Variants in NEGR1 observed in about 807,000 individuals in gnomAD.
NEGR1 encodes the protein neuronal growth regulator 1.
NEGR1 carries 10 observed loss-of-function variants against 40.9 expected under a neutral mutation model. The observed-to-expected ratio is 0.24, with a 90% CI of 0.15 to 0.42. The LOEUF (loss-of-function observed/expected upper bound fraction) is 0.42. NEGR1 is among the 10% of genes least tolerant of loss of function. The pLI is 1.00. For missense variants in NEGR1, 352 were observed against 438.9 expected (o/e 0.80, Z 1.77); for synonymous variants, 185 against 166.8 (o/e 1.11, Z -0.84).
At chr1:71,824,408 C>T (rs903381439) in intron 2 of NEGR1, among the ~76,000 whole-genome samples, 1 of 150,874 alleles carries the variant, frequency 6.6e-6, no homozygotes, top group Non-Finnish European at 1.5e-5. Flanking sequence ...AATCAGAAGA[C>T]CTGGATTCTT....
At position 71,406,040 on chromosome 1, in the gene NEGR1, C is replaced by G. The variant is rs1646275946; in HGVS notation, c.*1406G>C. 1 of 151,796 alleles carries G rather than the reference C, an allele frequency of 6.6e-6. No individual in the cohort carries two copies. Among genetic ancestry groups the G allele is most frequent in the South Asian group, 2.1e-4 (1 of 4,826 alleles). 9.4% of individuals were successfully genotyped at this position (151,796 alleles called of 1,614,324 possible). On this transcript the variant is annotated 3_prime_UTR_variant, in exon 7 of 7. Coordinates refer to ENST00000357731, the MANE Select transcript of NEGR1 (RefSeq NM_173808.3). Reference sequence around the variant, plus strand: ...TCACAATAATTTGATAATTACTTATCTTAAGATATTCTCATCACTGGTGTT... The same window carrying G: ...TCACAATAATTTGATAATTACTTATGTTAAGATATTCTCATCACTGGTGTT...
intron 1 of NEGR1, among the ~76,000 whole-genome samples, chr1:72,206,838 T>C (rs1369404822): frequency 6.6e-6 from 1 of 151,964 alleles, no homozygotes; most frequent in Non-Finnish European, 1.5e-5. Flanking sequence ...AGGATATACC[T>C]AATTTTATTA....
intron 4 of NEGR1, among the ~76,000 whole-genome samples, chr1:71,633,574 A>T (rs750190992): frequency 2.6e-5 from 4 of 152,078 alleles, no homozygotes; most frequent in Admixed American, 2.0e-4. Context: ...CTAAACATGG[A>T]AACTGGGGAG....
chr1:71,750,432 C>T (rs1655533057), intron 3 of NEGR1, among the ~76,000 whole-genome samples: 1 of 152,174 alleles, frequency 6.6e-6, no homozygotes, highest in Admixed American at 6.5e-5. Flanking sequence ...TTTCATCCTG[C>T]TGGTAAAGAC....
chr1:71,844,864 A>ATCC (rs1659353854), intron 2 of NEGR1, among the ~76,000 whole-genome samples: 1 of 152,192 alleles, frequency 6.6e-6, no homozygotes, highest in South Asian at 2.1e-4. Flanking sequence ...CTTCCTAGAC[A>ATCC]TCCTGGTGGA....
At chr1:71,603,060 A>G (rs1649974187) in intron 5 of NEGR1, among the ~76,000 whole-genome samples, 1 of 152,258 alleles carries the variant, frequency 6.6e-6, no homozygotes, top group African/African-American at 2.4e-5. Context: ...ATAGCAAAAT[A>G]TAATAATGAG....
chr1:71,660,151 A>T (rs1652008397), intron 4 of NEGR1, among the ~76,000 whole-genome samples: 1 of 152,256 alleles, frequency 6.6e-6, no homozygotes, highest in Non-Finnish European at 1.5e-5. Context: ...GTCATAAAAA[A>T]AGAACGAGAT....
At chr1:71,876,181 A>C (rs1660424401) in intron 2 of NEGR1, among the ~76,000 whole-genome samples, 1 of 152,104 alleles carries the variant, frequency 6.6e-6, no homozygotes, top group Admixed American at 6.6e-5. Context: ...ATATTATAGA[A>C]TATTTTTCTT....
At chr1:72,143,895 T>TAA (rs1553144994) in intron 1 of NEGR1, among the ~76,000 whole-genome samples, 2 of 95,836 alleles carry the variant, frequency 2.1e-5, no homozygotes, top group Non-Finnish European at 4.1e-5. Flanking sequence ...TATATATATA[T>TAA]TATATATATG....
intron 1 of NEGR1, among the ~76,000 whole-genome samples, chr1:72,198,076 G>C (rs567739124): frequency 5.9e-5 from 9 of 152,152 alleles, no homozygotes; most frequent in Non-Finnish European, 1.2e-4. Flanking sequence ...TGGGAGAATA[G>C]GCGGAGGCTG....
At chr1:71,712,864 T>A (rs143953481) in intron 3 of NEGR1, among the ~76,000 whole-genome samples, 2 of 152,144 alleles carry the variant, frequency 1.3e-5, no homozygotes, top group African/African-American at 4.8e-5. Context: ...ATCTTAACTC[T>A]CTCTCTCTCT....
intron 6 of NEGR1, among the ~76,000 whole-genome samples, chr1:71,470,717 C>T (rs1320923901): frequency 6.6e-6 from 1 of 152,084 alleles, no homozygotes. Flanking sequence ...CTAACACAGG[C>T]AGTGTTCAAA....
intron 1 of NEGR1, among the ~76,000 whole-genome samples, chr1:72,086,866 T>C (rs1648244034): frequency 6.6e-6 from 1 of 152,190 alleles, no homozygotes; most frequent in Non-Finnish European, 1.5e-5. Context: ...TTTATTTCAA[T>C]GCATATGTCA....
intron 1 of NEGR1, among the ~76,000 whole-genome samples, chr1:71,962,887 A>C (rs557569825): frequency 6.6e-6 from 1 of 152,082 alleles, no homozygotes; most frequent in Non-Finnish European, 1.5e-5. Context: ...TCACCTTTGC[A>C]GCATTTTAAA....
At chr1:71,803,460 C>T (rs552182413) in intron 2 of NEGR1, among the ~76,000 whole-genome samples, 130 of 152,260 alleles carry the variant, frequency 8.5e-4, no homozygotes, top group African/African-American at 2.9e-3. Flanking sequence ...TGTCCAATGG[C>T]TAACAGTGAC....
At chr1:71,761,959 C>G (rs1378762346) in intron 3 of NEGR1, among the ~76,000 whole-genome samples, 2 of 151,894 alleles carry the variant, frequency 1.3e-5, no homozygotes, top group Non-Finnish European at 2.9e-5. Flanking sequence ...CAGTTAAAAA[C>G]TATAGTACAT....
chr1:71,683,576 C>G (rs957420400), intron 4 of NEGR1, among the ~76,000 whole-genome samples: 2 of 152,008 alleles, frequency 1.3e-5, no homozygotes, highest in African/African-American at 4.8e-5. Flanking sequence ...GGAAAAATCT[C>G]CCTCAGGTTT....
chr1:72,227,820 T>A (rs753859138), intron 1 of NEGR1, among the ~76,000 whole-genome samples: 3 of 152,084 alleles, frequency 2.0e-5, no homozygotes, highest in Non-Finnish European at 4.4e-5. Context: ...CAGAATGCGG[T>A]TCTGGAATTT....
chr1:71,561,079 T>C (rs991121374), intron 6 of NEGR1, among the ~76,000 whole-genome samples: 3 of 151,550 alleles, frequency 2.0e-5, no homozygotes, highest in Non-Finnish European at 4.4e-5. Context: ...ATAAAGTCCA[T>C]AGCACATCCT....
Sources: allele counts gnomAD v4.1 joint callset (sites outside exome capture counted in the v4.1 genomes callset), GRCh38; gene constraint gnomAD v4.1.1; transcripts MANE v1.5; gene names NCBI Gene and HGNC (gene_info 2026-07-23, HGNC 2026-07-21).